Variants in HPSE2 observed in about 807,000 individuals in gnomAD.
The protein encoded by HPSE2 is inactive heparanase-2.
A neutral mutation model predicts 60.5 loss-of-function variants in HPSE2; 38 were observed. The observed-to-expected ratio is 0.63, with a 90% CI of 0.48 to 0.82. The LOEUF (loss-of-function observed/expected upper bound fraction) is 0.82, where lower values mean the gene tolerates loss of function less well. Ranked by LOEUF, HPSE2 falls within the 40% of genes least tolerant of loss-of-function variation. The pLI is 0.00. For missense variants in HPSE2, 713 were observed against 740.4 expected (o/e 0.96, Z 0.43); for synonymous variants, 295 against 293.2 (o/e 1.01, Z -0.06).
chr10:98,994,048 T>G (rs748609261), intron 3 of HPSE2, among the ~76,000 whole-genome samples: 15 of 152,216 alleles, frequency 9.9e-5, no homozygotes, highest in Non-Finnish European at 1.9e-4. Context: ...TCTGCCAGAA[T>G]AGCACAGAAA....
At chr10:98,813,027 A>C (rs534335888) in intron 3 of HPSE2, among the ~76,000 whole-genome samples, 1 of 151,898 alleles carries the variant, frequency 6.6e-6, no homozygotes, top group Admixed American at 6.6e-5. Context: ...ATAAGGCTGA[A>C]CTCTTGACAA....
chr10:99,058,266 A>AG (rs1307164248), intron 3 of HPSE2, among the ~76,000 whole-genome samples: 4 of 152,208 alleles, frequency 2.6e-5, no homozygotes, highest in Non-Finnish European at 2.9e-5. Flanking sequence ...AGATGAGAAA[A>AG]GGGGGGAATT....
intron 4 of HPSE2, among the ~76,000 whole-genome samples, chr10:98,725,055 C>T (rs1386871251): frequency 6.6e-6 from 1 of 152,166 alleles, no homozygotes; most frequent in East Asian, 1.9e-4. Flanking sequence ...TGAAAATGGC[C>T]ATATTGCCCA....
intron 6 of HPSE2, 134 bp downstream of exon 6, chr10:98,693,766 G>A: frequency 5.1e-6 from 4 of 782,532 alleles, no homozygotes; most frequent in Non-Finnish European, 9.1e-6. Context: ...AACAACTTTG[G>A]AGTTACTTTC....
At chr10:98,625,349 G>T (rs1232248010) in intron 7 of HPSE2, among the ~76,000 whole-genome samples, 2 of 152,210 alleles carry the variant, frequency 1.3e-5, no homozygotes, top group African/African-American at 4.8e-5. Flanking sequence ...AGGATATCAG[G>T]CCTGGGGTTT....
intron 6 of HPSE2, among the ~76,000 whole-genome samples, chr10:98,686,314 T>A (rs1947914245): frequency 6.6e-6 from 1 of 152,244 alleles, no homozygotes; most frequent in Admixed American, 6.5e-5. Context: ...CTGCTTTTGC[T>A]GGATTCCACA....
the HPSE2 span, among the ~76,000 whole-genome samples, chr10:99,302,652 G>A: frequency 7.6e-3 from 1,163 of 152,132 alleles, 11 homozygotes; most frequent in African/African-American, 0.024. Context: ...TCCTCCCAAG[G>A]CTGAGCAATG....
intron 9 of HPSE2, among the ~76,000 whole-genome samples, chr10:98,496,955 G>A (rs1217210760): frequency 1.3e-5 from 2 of 151,150 alleles, no homozygotes; most frequent in Admixed American, 6.6e-5. Flanking sequence ...TTAATTCTTA[G>A]TAAGTCCTTC....
the HPSE2 span, among the ~76,000 whole-genome samples, chr10:99,311,417 T>C: frequency 2.0e-5 from 3 of 152,254 alleles, no homozygotes; most frequent in Non-Finnish European, 4.4e-5. Flanking sequence ...GTCACTTTTT[T>C]GTAATTCTTG....
At chr10:98,594,120 A>C (rs1945165727) in intron 9 of HPSE2, among the ~76,000 whole-genome samples, 4 of 152,224 alleles carry the variant, frequency 2.6e-5, no homozygotes, top group African/African-American at 9.6e-5. Flanking sequence ...GCTAATTAAC[A>C]TATGTATTAG....
At chr10:99,014,806 A>C (rs4350295) in intron 3 of HPSE2, among the ~76,000 whole-genome samples, 21,234 of 152,080 alleles carry the variant, frequency 0.14, 1,841 homozygotes, top group Admixed American at 0.22. Context: ...GCAACAAAAG[A>C]CAAAATTGAC....
chr10:98,588,178 T>C (rs1412176846), intron 9 of HPSE2, among the ~76,000 whole-genome samples: 3 of 152,232 alleles, frequency 2.0e-5, no homozygotes, highest in African/African-American at 7.2e-5. Flanking sequence ...AAAGCTTTTC[T>C]TAACACAGCA....
chr10:98,822,784 G>A (rs753047135), intron 3 of HPSE2, among the ~76,000 whole-genome samples: 12 of 152,098 alleles, frequency 7.9e-5, no homozygotes, highest in African/African-American at 2.4e-4. Context: ...TATTTCTATC[G>A]GACAATGAAA....
chr10:98,696,307 A>AC (rs1379113693), intron 5 of HPSE2, among the ~76,000 whole-genome samples: 4,544 of 137,378 alleles, frequency 0.033, 158 homozygotes, highest in East Asian at 0.12. Context: ...AAAAAAAAAA[A>AC]AAAAAAAAAA....
At chr10:98,460,516 A>C (rs1221564492) in intron 11 of HPSE2, among the ~76,000 whole-genome samples, 1 of 152,134 alleles carries the variant, frequency 6.6e-6, no homozygotes, top group Non-Finnish European at 1.5e-5. Context: ...AGGAGTTTGA[A>C]GTGGGAAGAT....
rs1459506138 is a variant in HPSE2, at chr10:98,630,068, T to TA, written c.1099-9361dup. Among the ~76,000 whole-genome samples, 6 of 152,300 alleles carry TA rather than the reference T, an allele frequency of 3.9e-5. No individual in the cohort carries two copies. The East Asian group carries it at 1.2e-3, about 29-fold the overall frequency. ...AACTGCTTTATTTAACTTGTTATCT[T>TA]AGACTTTCACAACCATCCCTTAGCT... is the stretch of plus-strand genomic sequence containing the variant. On this transcript the variant is annotated intron_variant, in intron 7 of 11. Transcript: ENST00000370552.
intron 3 of HPSE2, among the ~76,000 whole-genome samples, chr10:98,998,959 T>A (rs372930600): frequency 2.6e-5 from 4 of 152,328 alleles, no homozygotes; most frequent in African/African-American, 9.6e-5. Flanking sequence ...TGGAATTCCA[T>A]ATAAGGCTGG....
At chr10:98,823,131 G>T (rs942163421) in intron 3 of HPSE2, among the ~76,000 whole-genome samples, 4 of 152,114 alleles carry the variant, frequency 2.6e-5, no homozygotes, top group Non-Finnish European at 5.9e-5. Flanking sequence ...AAGAATGTAG[G>T]CAGCCTCCTG....
chr10:99,017,498 G>T (rs770987494), intron 3 of HPSE2, among the ~76,000 whole-genome samples: 5 of 151,922 alleles, frequency 3.3e-5, no homozygotes, highest in Non-Finnish European at 7.4e-5. Flanking sequence ...TTTTTTGTTG[G>T]ATCTCTGCCA....
Sources: allele counts gnomAD v4.1 joint callset (sites outside exome capture counted in the v4.1 genomes callset), GRCh38; gene constraint gnomAD v4.1.1; transcripts MANE v1.5; gene names NCBI Gene and HGNC (gene_info 2026-07-23, HGNC 2026-07-21).